UMODL1: variants seen among roughly 807,000 people sequenced by gnomAD.
UMODL1 encodes uromodulin like 1.
Under a neutral mutation model 136.3 loss-of-function variants are expected in UMODL1, and 128 were observed. The ratio of observed to expected loss-of-function variants is 0.94; its 90% CI spans 0.81 to 1.09. The LOEUF is 1.09. Among genes scored for constraint, UMODL1 ranks in the 50% least tolerant of loss-of-function variants. The pLI is 0.00. For synonymous variants in UMODL1, 721 were observed against 720.0 expected, an observed-to-expected ratio of 1.00 and a Z score of -0.02; for missense variants, 1,766 against 1,725.6, an observed-to-expected ratio of 1.02 and a Z score of -0.41.
chr21:42,084,316 AG>A, intron 3 of UMODL1, 71 bp downstream of exon 3: 1 of 1,528,986 alleles, frequency 6.5e-7, no homozygotes, highest in African/African-American at 1.4e-5. Context: ...ATCTGTGTGA[AG>A]GTGTGGGGGG....
intron 6 of UMODL1, among the ~76,000 whole-genome samples, chr21:42,097,558 T>C (rs1375588988): frequency 2.0e-5 from 3 of 152,188 alleles, no homozygotes; most frequent in East Asian, 1.9e-4. Flanking sequence ...CAGGCACATA[T>C]GTCTAAAAGC....
intron 9 of UMODL1, among the ~76,000 whole-genome samples, chr21:42,108,860 C>A (rs57887783): frequency 0.11 from 9,934 of 89,416 alleles, 732 homozygotes; most frequent in African/African-American, 0.17. Context: ...TGTTGTACTC[C>A]GCTGGACCCC....
Position 42,142,338 on chromosome 21 carries a change from G to A in UMODL1, c.*264G>A, listed in dbSNP as rs2067293285. 6.6e-6 allele frequency: 1 copy of A among 152,310 alleles called. No individual in the cohort carries two copies. Among genetic ancestry groups the A allele is most frequent in the African/African-American group, 2.4e-5 (1 of 41,454 alleles). 9.4% of individuals were successfully genotyped at this position (152,310 alleles called of 1,614,324 possible). ...TAGGTCCTAGAGGAGCCACAGCCCA[G>A]GGGCAGATGAAGGGGCTGCGGAAGA... On this transcript the variant is annotated 3_prime_UTR_variant, in exon 23 of 23. Coordinates refer to ENST00000408910, the MANE Select transcript of UMODL1 (RefSeq NM_001004416.3).
chr21:42,119,627 A>G (rs965458855), intron 15 of UMODL1, among the ~76,000 whole-genome samples: 4 of 152,140 alleles, frequency 2.6e-5, no homozygotes, highest in African/African-American at 9.7e-5. Context: ...GGGCAGATGC[A>G]TCCCTCTCTG....
chr21:42,088,351 G>C lies in UMODL1; in HGVS notation c.661G>C (p.Gly221Arg). ...STVHHLHSAP[G>R]NASTTVSRLL... ...CGTCCACCACCTGCACTCAGCCCCT[G>C]GGAACGCCTCCACCACAGTGTCGCG... Residue 221 changes from glycine (G) to arginine (R), a missense_variant, in exon 5 of 23, where the codon GGG (glycine) becomes CGG (arginine). Gly to Arg is a moderately radical substitution (Grantham distance 125, BLOSUM62 -2). Transcript: ENST00000408910. 6.2e-7 allele frequency: 1 copy of C among 1,613,884 alleles called. No individual in the cohort carries two copies. Among genetic ancestry groups the C allele is most frequent in the Non-Finnish European group, 8.5e-7 (1 of 1,179,990 alleles).
intron 9 of UMODL1, among the ~76,000 whole-genome samples, chr21:42,109,266 T>A (rs1162289306): frequency 6.6e-6 from 1 of 152,150 alleles, no homozygotes; most frequent in Non-Finnish European, 1.5e-5. Flanking sequence ...ACATTTCAAG[T>A]TTTGGGTGTG....
intron 8 of UMODL1, 176 bp from the exon 9 acceptor site, chr21:42,103,692 C>G (rs1190356263): frequency 1.3e-6 from 1 of 781,232 alleles, no homozygotes; most frequent in Non-Finnish European, 2.2e-6. Flanking sequence ...GAAAGCCCAG[C>G]TAAGGTGCTG....
rs374098400 is a variant in UMODL1, at chr21:42,071,333, G to T, written c.17G>T (p.Gly6Val). 7.5e-6 allele frequency: 12 copies of T among 1,595,414 alleles called. No individual in the cohort carries two copies. The African/African-American group carries it at 1.6e-4, about 22-fold the overall frequency. ...TGCCGGACGATGCTCAGGACCTCGGGGCTGGCACTGCTGGCTCTGGTCAGT... is the reference window on the plus strand; with the variant it reads ...TGCCGGACGATGCTCAGGACCTCGGTGCTGGCACTGCTGGCTCTGGTCAGT... MLRTS[G>V]LALLALVSAV... The change falls in exon 1 of 23, where the codon GGG (glycine) becomes GTG (valine). Residue 6 changes from glycine to valine, a missense_variant. By Grantham distance (109) the Gly-to-Val change is moderately radical. Coordinates refer to ENST00000408910, the MANE Select transcript of UMODL1 (RefSeq NM_001004416.3).
In UMODL1 at chr21:42,085,562, T is replaced by A; in HGVS notation, c.603+150T>A. 2.4e-6 allele frequency: 3 copies of A among 1,239,638 alleles called. No homozygotes were observed. Among genetic ancestry groups the A allele is most frequent in the Non-Finnish European group, 3.4e-6 (3 of 888,254 alleles). 76.8% of individuals were successfully genotyped at this position (1,239,638 alleles called of 1,614,324 possible). A position where few individuals can be genotyped will look rare whatever the true frequency, so the allele number is the denominator to read the frequency against. On this transcript the variant is annotated intron_variant, in intron 4 of 22. Coordinates refer to ENST00000408910, the MANE Select transcript of UMODL1 (RefSeq NM_001004416.3). This position sits in a 1 kb window ranked among gnomAD's most constrained non-coding sequence, Gnocchi z 4.5. ...TGACTGACTCTGAACGAAATTCTAG[T>A]TCTTAAAAAATCAGCTTCAAAGAGG...
rs543592136 is a variant in UMODL1 at position 42,132,620 on chromosome 21, CCACCCATT to C, written c.3775+2824_3775+2831del. Among the ~76,000 whole-genome samples the C allele has an allele frequency of 4.0e-4, 60 of 151,690 alleles. No homozygotes were observed. The South Asian group carries it at 0.012, about 31-fold the overall frequency. On this transcript the variant is annotated intron_variant, in intron 21 of 22. Transcript: ENST00000408910. ...CCCACCCATCCATCCATCTATCCAT[CCACCCATT>C]TATTCATTAATTCATTCATCTACTA...
intron 8 of UMODL1, 23 bp downstream of exon 8, chr21:42,102,301 A>T: frequency 2.6e-6 from 4 of 1,550,916 alleles, no homozygotes; most frequent in Non-Finnish European, 3.5e-6. Flanking sequence ...TGCAGACAGA[A>T]ATCTTTTCTT....
rs145193956 is a variant in UMODL1, at chr21:42,107,164, C to T, written c.1520-2398C>T. 2.8e-3 allele frequency among the ~76,000 whole-genome samples: 422 copies of T among 152,326 alleles called. 1 individual carries two copies. The highest frequency in any genetic ancestry group is 9.5e-3 in the African/African-American group (395 of 41,578). On this transcript the variant is annotated intron_variant, in intron 9 of 22. Transcript: ENST00000408910. ...CCCTATTCCTTCTCTTTCCCAACAT[C>T]TGCTCTCAGGAGAGATTCTCATACA...
intron 1 of UMODL1, among the ~76,000 whole-genome samples, chr21:42,074,472 G>T (rs1569138581): frequency 6.6e-6 from 1 of 152,176 alleles, no homozygotes; most frequent in Non-Finnish European, 1.5e-5. Context: ...AGGCAGTAGG[G>T]GCTCCCGGGG....
At position 42,125,683 on chromosome 21, in the gene UMODL1, G is replaced by A. The variant is rs146274247; in HGVS notation, c.3148-662G>A. On this transcript the variant is annotated intron_variant, in intron 17 of 22. Transcript: ENST00000408910. ...TGATCAGTGGCTCCTGTGGCTTCTC[G>A]GCAGTTTCCCTGGTGAGGGAGGTCT... Among the ~76,000 whole-genome samples the A allele has an allele frequency of 3.3e-3, 502 of 152,324 alleles. 2 individuals carry two copies. Among genetic ancestry groups the A allele is most frequent in the African/African-American group, 0.011 (460 of 41,584 alleles).
At chr21:42,104,984 A>C (rs220112) in intron 9 of UMODL1, among the ~76,000 whole-genome samples, 10,483 of 152,232 alleles carry the variant, frequency 0.069, 393 homozygotes, top group Middle Eastern at 0.11. Flanking sequence ...CAATCTGTGG[A>C]GTGGGCACCT....
Position 42,073,655 on chromosome 21 carries a change from C to T in UMODL1, c.76+2263C>T, listed in dbSNP as rs187490854. On this transcript the variant is annotated intron_variant, in intron 1 of 22. Coordinates refer to ENST00000408910, the MANE Select transcript of UMODL1 (RefSeq NM_001004416.3). ...AGGGCTGGCTCTGCCCTATTTCTTC[C>T]TGGGGTGAGTAACAAGCCCCTGGAG... is the stretch of plus-strand genomic sequence containing the variant. 2.9e-3 allele frequency among the ~76,000 whole-genome samples: 445 copies of T among 152,300 alleles called. 3 individuals carry two copies. The highest frequency in any genetic ancestry group is 0.01 in the African/African-American group (422 of 41,560).
At chr21:42,127,928 C>T in intron 20 of UMODL1, 97 bp downstream of exon 20, 1 of 1,526,878 alleles carries the variant, frequency 6.5e-7, no homozygotes, top group Non-Finnish European at 9.0e-7. Flanking sequence ...GCTCGAGTGG[C>T]TCGGGGCCAA....
Position 42,126,359 on chromosome 21 carries a change from C to G in UMODL1, c.3162C>G (p.Thr1054=), listed in dbSNP as rs375014219. 5.0e-6 allele frequency: 8 copies of G among 1,614,148 alleles called. No homozygotes were observed. In the South Asian group the frequency reaches 8.8e-5, roughly 18 times the overall value. The change falls in exon 18 of 23, where the codon ACC becomes ACG. Residue 1054 remains threonine, a synonymous_variant. Transcript: ENST00000408910. ...TTTGTGCTCAGAACATGACGAACACCGTGGTGAGGACCACGCTGAGGAACG... is the reference window on the plus strand; with the variant it reads ...TTTGTGCTCAGAACATGACGAACACGGTGGTGAGGACCACGCTGAGGAACG... ...GTLMQSNMTN[T]VVRTTLRNDL...
At chr21:42,069,746 T>C (rs117778357), upstream of UMODL1, among the ~76,000 whole-genome samples, 414 of 152,352 alleles carry the variant, frequency 2.7e-3, 1 homozygote, top group Middle Eastern at 0.014. Flanking sequence ...TCATACATTA[T>C]AGTAGCAAAC....
Sources: allele counts gnomAD v4.1 joint callset (sites outside exome capture counted in the v4.1 genomes callset), GRCh38; gene constraint gnomAD v4.1.1; non-coding constraint Gnocchi (gnomAD v3.1); transcripts MANE v1.5; gene names NCBI Gene and HGNC (gene_info 2026-07-23, HGNC 2026-07-21).